The following LGALS8 variants were observed in gnomAD, a reference collection of about 807,000 sequenced individuals.
The protein encoded by LGALS8 is galectin-8.
LGALS8 carries 30 observed loss-of-function variants against 35.9 expected under a neutral mutation model. That is an observed-to-expected ratio of 0.83 (90% CI 0.62 to 1.13). The LOEUF (loss-of-function observed/expected upper bound fraction) is 1.13, where lower values mean the gene tolerates loss of function less well. LGALS8 is among the 50% of genes most tolerant of loss of function. The pLI is 0.00. For synonymous variants in LGALS8, 138 were observed against 136.1 expected (o/e 1.01, Z -0.10); for missense variants, 366 against 388.7 (o/e 0.94, Z 0.49).
Position 236,552,096 on chromosome 1 carries a change from A to G in LGALS8, c.*3935A>G. 1 of 1,609,838 alleles carries G rather than the reference A, an allele frequency of 6.2e-7. No individual in the cohort carries two copies. Among genetic ancestry groups the G allele is most frequent in the East Asian group, 2.2e-5 (1 of 44,834 alleles). On this transcript the variant is annotated 3_prime_UTR_variant, in exon 10 of 10. Transcript: ENST00000366584. Reference sequence around the variant, plus strand: ...CCAGTGCTAACACAGTAATCAAAGCAGCAAATCGAACCTGAAAGGGATAAA... The same window carrying G: ...CCAGTGCTAACACAGTAATCAAAGCGGCAAATCGAACCTGAAAGGGATAAA...
At chr1:236,518,756 A>G (rs948235462), upstream of LGALS8, among the ~76,000 whole-genome samples, 1 of 152,126 alleles carries the variant, frequency 6.6e-6, no homozygotes, top group Non-Finnish European at 1.5e-5. Context: ...ATACTCTTTT[A>G]TCATATCTAA....
chr1:236,524,682 G>C, intron 1 of LGALS8: 1 of 322,768 alleles, frequency 3.1e-6, no homozygotes. Context: ...TTCGGGGGTT[G>C]CGTGATTTAA....
At chr1:236,543,853 T>C (rs1662187931) in intron 8 of LGALS8, among the ~76,000 whole-genome samples, 1 of 152,074 alleles carries the variant, frequency 6.6e-6, no homozygotes, top group Admixed American at 6.5e-5. Context: ...ACCTCGGCTT[T>C]TTCTGGCCAG....
intron 2 of LGALS8, among the ~76,000 whole-genome samples, chr1:236,533,755 C>T (rs758904119): frequency 1.3e-5 from 2 of 152,106 alleles, no homozygotes; most frequent in African/African-American, 2.4e-5. Context: ...CTCAGAATCT[C>T]TAGCAGGATG....
rs192672370 is a variant in LGALS8 at position 236,540,423 on chromosome 1, C to T, written c.346-141C>T. ...CTAGTGTTTTGGGTGCTTTCGGTTA[C>T]CATTTGGTCATGTGTGTGGAGACCT... On this transcript the variant is annotated intron_variant, in intron 4 of 9. Transcript: ENST00000366584. 84 of 910,332 alleles carry T rather than the reference C, an allele frequency of 9.2e-5. No individual in the cohort carries two copies. The African/African-American group carries it at 1.3e-3, about 14-fold the overall frequency. 56.4% of individuals were successfully genotyped at this position (910,332 alleles called of 1,614,324 possible).
intron 5 of LGALS8, 132 bp downstream of exon 5, chr1:236,540,815 G>C (rs1661944054): frequency 2.1e-6 from 2 of 936,186 alleles, no homozygotes; most frequent in Admixed American, 2.7e-5. Context: ...TAATTTTTTG[G>C]AAGTGAACTG....
intron 2 of LGALS8, among the ~76,000 whole-genome samples, chr1:236,529,622 GTTTTT>G (rs11316979): frequency 5.2e-5 from 6 of 114,742 alleles, no homozygotes; most frequent in South Asian, 2.7e-4. Context: ...TTCCTTTTCT[GTTTTT>G]TTTTTTTTTT....
chr1:236,551,137 G>A lies in LGALS8; in HGVS notation c.*2976G>A, dbSNP rs1340505742. 13 of 614,238 alleles carry A rather than the reference G, an allele frequency of 2.1e-5. No homozygotes were observed. The highest frequency in any genetic ancestry group is 3.3e-5 in the Non-Finnish European group (12 of 362,646). The allele number at this position is 614,238 out of a possible 1,614,324, so 38.0% of individuals were successfully genotyped here. Reference sequence around the variant, plus strand: ...GAAGCACATTAACAAAGCAGGAGGCGCCACGGACCGCCTCCCTCCACACCG... The same window carrying A: ...GAAGCACATTAACAAAGCAGGAGGCACCACGGACCGCCTCCCTCCACACCG... On this transcript the variant is annotated 3_prime_UTR_variant, in exon 10 of 10. Transcript: ENST00000366584.
rs1272123777 is a variant in LGALS8 at position 236,551,274 on chromosome 1, C to T, written c.*3113C>T. On this transcript the variant is annotated 3_prime_UTR_variant, in exon 10 of 10. Coordinates refer to ENST00000366584, the MANE Select transcript of LGALS8 (RefSeq NM_201544.4). The stretch of plus-strand genomic sequence containing the variant: ...CCCTTTAGTAGCTCACACCTCCCCC[C>T]TCCAAGAGCTAAGAAACAAAGGAGA... 11 of 398,862 alleles carry T rather than the reference C, an allele frequency of 2.8e-5. No individual in the cohort carries two copies. The highest frequency in any genetic ancestry group is 6.9e-4 in the Middle Eastern group (1 of 1,452). 24.7% of individuals were successfully genotyped at this position (398,862 alleles called of 1,614,324 possible). A position where few individuals can be genotyped will look rare whatever the true frequency, so the allele number is the denominator to read the frequency against.
Position 236,539,059 on chromosome 1 carries a change from C to T in LGALS8, c.315C>T (p.Ile105=), listed in dbSNP as rs754857412. The change falls in exon 4 of 10, where the codon ATC becomes ATT. Residue 105 remains isoleucine (I), a synonymous_variant. Transcript: ENST00000366584. ...TCAAAAGAGAAAAGTCTTTTGAGATCGTGATTATGGTGCTGAAGGACAAAT... is the reference window on the plus strand; with the variant it reads ...TCAAAAGAGAAAAGTCTTTTGAGATTGTGATTATGGTGCTGAAGGACAAAT... ...TPFKREKSFE[I]VIMVLKDKFQ... 16 of 1,613,816 alleles carry T rather than the reference C, an allele frequency of 9.9e-6. No individual in the cohort carries two copies. Among genetic ancestry groups the T allele is most frequent in the Admixed American group, 3.3e-5 (2 of 60,008 alleles).
chr1:236,549,401 A>C lies in LGALS8; in HGVS notation c.*1240A>C, dbSNP rs1447217538. 1 of 161,922 alleles carries C rather than the reference A, an allele frequency of 6.2e-6. No homozygotes were observed. The highest frequency in any genetic ancestry group is 6.4e-5 in the Admixed American group (1 of 15,542). The allele number at this position is 161,922 out of a possible 1,614,324, so 10.0% of individuals were successfully genotyped here. A position where few individuals can be genotyped will look rare whatever the true frequency, so the allele number is the denominator to read the frequency against. Reference sequence around the variant, plus strand: ...TGGGAGTGGGGAGGGAAAAAAGCTCAGTCAGTGAGGATCATTTTATCACAT... The same window carrying C: ...TGGGAGTGGGGAGGGAAAAAAGCTCCGTCAGTGAGGATCATTTTATCACAT... On this transcript the variant is annotated 3_prime_UTR_variant, in exon 10 of 10. Transcript: ENST00000366584.
At chr1:236,522,270 G>A (rs1017500816), upstream of LGALS8, among the ~76,000 whole-genome samples, 2 of 152,128 alleles carry the variant, frequency 1.3e-5, no homozygotes, top group Non-Finnish European at 2.9e-5. Flanking sequence ...GCATTTATGT[G>A]TACTTATTTC....
At chr1:236,540,277 C>T (rs1025551650) in intron 4 of LGALS8, 1 of 290,886 alleles carries the variant, frequency 3.4e-6, no homozygotes, top group African/African-American at 2.2e-5. Flanking sequence ...AGATGTCTCA[C>T]ATGTATGCAG....
At chr1:236,541,295 G>A (rs1198570827) in intron 5 of LGALS8, 5 of 188,396 alleles carry the variant, frequency 2.7e-5, no homozygotes, top group Admixed American at 1.9e-4. Context: ...ATGTTTGCAC[G>A]ATGACAAAAG....
At chr1:236,527,623 A>G (rs904538007) in intron 2 of LGALS8, among the ~76,000 whole-genome samples, 1 of 152,028 alleles carries the variant, frequency 6.6e-6, no homozygotes, top group African/African-American at 2.4e-5. Flanking sequence ...TAAAATATTT[A>G]TAGTATAAAG....
chr1:236,543,790 G>T, intron 8 of LGALS8, 142 bp downstream of exon 8: 1 of 685,702 alleles, frequency 1.5e-6, no homozygotes, highest in South Asian at 1.6e-5. Context: ...AGCAGGAGGT[G>T]GTTAGATTGT....
chr1:236,544,789 T>A lies in LGALS8; in HGVS notation c.678T>A (p.Ile226=). 1 of 1,613,098 alleles carries A rather than the reference T, an allele frequency of 6.2e-7. No individual in the cohort carries two copies. The highest frequency in any genetic ancestry group is 1.3e-5 in the African/African-American group (1 of 75,012). ...VDLLAGKSKD[I]ALHLNPRLNI... is the part of the protein sequence containing the mutation. ...TACTAGCAGGAAAATCAAAGGATAT[T>A]GCTCTACACTTGAACCCACGCCTGA... The change falls in exon 9 of 10, where the codon ATT becomes ATA. Residue 226 remains isoleucine (I), a synonymous_variant. Coordinates refer to ENST00000366584, the MANE Select transcript of LGALS8 (RefSeq NM_201544.4).
rs1660814421 is a variant in LGALS8, at chr1:236,526,312, A to G, written c.45+197A>G. The G allele has an allele frequency of 2.3e-6, 1 of 442,484 alleles. No individual in the cohort carries two copies. The highest frequency in any genetic ancestry group is 4.0e-6 in the Non-Finnish European group (1 of 247,276). 27.4% of individuals were successfully genotyped at this position (442,484 alleles called of 1,614,324 possible). On this transcript the variant is annotated intron_variant, in intron 2 of 9. Transcript: ENST00000366584. The surrounding 1 kb of genome is among the most constrained non-coding windows in gnomAD (Gnocchi z 4.6). ...AGTGGAGGAAGAAGTCACAATGATA[A>G]TATGACGTGATGAAACAGTGTTATG... is the stretch of plus-strand genomic sequence containing the variant.
chr1:236,523,722 G>A (rs1197235470), upstream of LGALS8: 2 of 253,302 alleles, frequency 7.9e-6, no homozygotes, highest in Non-Finnish European at 7.9e-6. Flanking sequence ...ATCCACCCAG[G>A]ACACATTCTT....
Sources: allele counts gnomAD v4.1 joint callset (sites outside exome capture counted in the v4.1 genomes callset), GRCh38; gene constraint gnomAD v4.1.1; non-coding constraint Gnocchi (gnomAD v3.1); transcripts MANE v1.5; gene names NCBI Gene and HGNC (gene_info 2026-07-23, HGNC 2026-07-21).